The following BTBD7 variants were observed in gnomAD, a reference collection of about 807,000 sequenced individuals.
The protein encoded by BTBD7 is BTB domain containing 7.
In BTBD7, 38 loss-of-function variants were observed where a neutral mutation model predicts 99.9. The observed-to-expected ratio is 0.38, with a 90% CI of 0.29 to 0.50. The LOEUF (loss-of-function observed/expected upper bound fraction) is 0.50. Ranked by LOEUF, BTBD7 falls within the 20% of genes least tolerant of loss-of-function variation. BTBD7 has a pLI of 0.93. For synonymous variants in BTBD7, 520 were observed against 511.4 expected, an observed-to-expected ratio of 1.02 and a Z score of -0.23; for missense variants, 1,170 against 1,394.6, an observed-to-expected ratio of 0.84 and a Z score of 2.57.
chr14:93,242,990 G>A lies in BTBD7; in HGVS notation c.2682C>T (p.Asp894=), dbSNP rs1419383040. 2 of 1,613,932 alleles carry A rather than the reference G, an allele frequency of 1.2e-6. No homozygotes were observed. The highest frequency in any genetic ancestry group is 1.3e-5 in the African/African-American group (1 of 74,860). ...CAGAAACTGACTGGCTTAATTCTGT[G>A]TCTACAGCAAGCTCTGGAAGCCTCC... ...KDRRLPELAV[D]TELSQSVSEA... Residue 894 remains aspartate (D), a synonymous_variant, in exon 11 of 11, where the codon GAC becomes GAT. Transcript: ENST00000334746.
At chr14:93,318,795 A>G (rs2053237379) in intron 1 of BTBD7, among the ~76,000 whole-genome samples, 1 of 152,222 alleles carries the variant, frequency 6.6e-6, no homozygotes, top group Admixed American at 6.5e-5. Flanking sequence ...ACTCTGTAAG[A>G]GCAATGAATT....
intron 3 of BTBD7, chr14:93,288,795 T>C: frequency 6.5e-7 from 1 of 1,545,452 alleles, no homozygotes; most frequent in Non-Finnish European, 8.7e-7. Context: ...CATCAGTATC[T>C]GTAAGTGTAT....
Position 93,240,587 on chromosome 14 carries a change from T to C in BTBD7, c.*1686A>G, listed in dbSNP as rs1340799732. ...ATAGAAAAGAGGATCCCAAATATCC[T>C]GCAGAGGAAGGAATGCTTAGAAAGC... On this transcript the variant is annotated 3_prime_UTR_variant, in exon 11 of 11. Coordinates refer to ENST00000334746, the MANE Select transcript of BTBD7 (RefSeq NM_001002860.4). The C allele has an allele frequency of 6.6e-6, 1 of 152,664 alleles. No individual in the cohort carries two copies. The highest frequency in any genetic ancestry group is 1.5e-5 in the Non-Finnish European group (1 of 68,048). 9.5% of individuals were successfully genotyped at this position (152,664 alleles called of 1,614,324 possible). A position where few individuals can be genotyped will look rare whatever the true frequency, so the allele number is the denominator to read the frequency against.
intron 1 of BTBD7, among the ~76,000 whole-genome samples, chr14:93,308,889 A>G (rs67502036): frequency 0.12 from 18,062 of 152,216 alleles, 1,347 homozygotes; most frequent in African/African-American, 0.21. Flanking sequence ...GGAAAATGAG[A>G]AAGTTCTGGA....
intron 3 of BTBD7, among the ~76,000 whole-genome samples, chr14:93,276,892 A>ATT (rs549579457): frequency 4.0e-4 from 32 of 80,370 alleles, no homozygotes; most frequent in Admixed American, 5.5e-4. Context: ...ACACAGATTA[A>ATT]TTTTTTTTTT....
rs912549670 is a variant in BTBD7 at position 93,284,590 on chromosome 14, T to A, written c.1162+9268A>T. ...CAGGTTATTCAAAGATGACCAAGAT[T>A]TTGATACACAACTTTGGGAGCATAC... is the stretch of plus-strand genomic sequence containing the variant. On this transcript the variant is annotated intron_variant, in intron 3 of 10. Coordinates refer to ENST00000334746, the MANE Select transcript of BTBD7 (RefSeq NM_001002860.4). 6.6e-5 allele frequency among the ~76,000 whole-genome samples: 10 copies of A among 152,262 alleles called. No individual in the cohort carries two copies. The South Asian group carries it at 2.1e-3, about 32-fold the overall frequency.
chr14:93,263,465 A>G (rs1370657675), intron 4 of BTBD7, among the ~76,000 whole-genome samples: 1 of 152,228 alleles, frequency 6.6e-6, no homozygotes, highest in African/African-American at 2.4e-5. Context: ...AGAAACCACT[A>G]TAGAGAAGCT....
At chr14:93,276,888 ATTAATTT>A (rs2052661573) in intron 3 of BTBD7, among the ~76,000 whole-genome samples, 2 of 138,868 alleles carry the variant, frequency 1.4e-5, no homozygotes, top group Admixed American at 1.6e-4. Flanking sequence ...ACACACACAG[ATTAATTT>A]TTTTTTTTTT....
At chr14:93,281,917 GTTTA>G (rs932156833) in intron 3 of BTBD7, among the ~76,000 whole-genome samples, 36 of 152,176 alleles carry the variant, frequency 2.4e-4, no homozygotes, top group South Asian at 2.1e-4. Flanking sequence ...ATAGGAGATG[GTTTA>G]TTTATGAATA....
chr14:93,244,408 T>C (rs1374482726), intron 10 of BTBD7: 1 of 174,364 alleles, frequency 5.7e-6, no homozygotes, highest in Non-Finnish European at 1.2e-5. Context: ...CCCAGCATTT[T>C]GGGAGGCTGA....
intron 6 of BTBD7, among the ~76,000 whole-genome samples, chr14:93,254,322 T>C (rs78151796): frequency 6.6e-6 from 1 of 152,340 alleles, no homozygotes; most frequent in East Asian, 1.9e-4. Flanking sequence ...TAGAGGAATA[T>C]TTTTAAAAAC....
At chr14:93,243,530 A>T (rs1370054502) in intron 10 of BTBD7, among the ~76,000 whole-genome samples, 2 of 152,184 alleles carry the variant, frequency 1.3e-5, no homozygotes, top group Non-Finnish European at 2.9e-5. Context: ...AAAGCTATAA[A>T]GGCAAAAAAA....
chr14:93,285,582 G>C (rs1595310510), intron 3 of BTBD7, among the ~76,000 whole-genome samples: 1 of 152,226 alleles, frequency 6.6e-6, no homozygotes, highest in East Asian at 1.9e-4. Flanking sequence ...TGACAAGGAT[G>C]GTTAAAGTTC....
chr14:93,261,542 A>T, intron 5 of BTBD7, 60 bp downstream of exon 5: 1 of 1,290,112 alleles, frequency 7.8e-7, no homozygotes, highest in Non-Finnish European at 1.1e-6. Context: ...ATGCATTTCT[A>T]TATAAGAACC....
chr14:93,268,543 A>G (rs2052566607), intron 3 of BTBD7, among the ~76,000 whole-genome samples: 1 of 152,180 alleles, frequency 6.6e-6, no homozygotes, highest in African/African-American at 2.4e-5. Flanking sequence ...TTACTTTAGA[A>G]TATTTAATTT....
Position 93,312,040 on chromosome 14 carries a change from AACTTT to A in BTBD7, c.-106-15888_-106-15884del, listed in dbSNP as rs2053144849. On this transcript the variant is annotated intron_variant, in intron 1 of 10. Transcript: ENST00000334746. The stretch of plus-strand genomic sequence containing the variant: ...TCTAGTCCCTGCCTGCCCCATATGT[AACTTT>A]ACTTATACTTTATACAACATTTTAC... Among the ~76,000 whole-genome samples, 3 of 151,834 alleles carry A rather than the reference AACTTT, an allele frequency of 2.0e-5. No homozygotes were observed. The South Asian group carries it at 6.2e-4, about 31-fold the overall frequency.
chr14:93,317,442 T>C (rs1376960944), intron 1 of BTBD7, among the ~76,000 whole-genome samples: 4 of 151,984 alleles, frequency 2.6e-5, no homozygotes, highest in African/African-American at 4.8e-5. Flanking sequence ...AGTGCAATTA[T>C]TGTGCACTAC....
chr14:93,265,412 G>C (rs2052530644), intron 3 of BTBD7, among the ~76,000 whole-genome samples: 1 of 152,220 alleles, frequency 6.6e-6, no homozygotes, highest in African/African-American at 2.4e-5. Context: ...AGCACCACAA[G>C]ATAGGGACGG....
intron 10 of BTBD7, chr14:93,243,872 C>T (rs1566832373): frequency 6.4e-6 from 1 of 156,356 alleles, no homozygotes; most frequent in Non-Finnish European, 1.4e-5. Flanking sequence ...AACTGAGGGC[C>T]TGGCCCAACA....
Sources: allele counts gnomAD v4.1 joint callset (sites outside exome capture counted in the v4.1 genomes callset), GRCh38; gene constraint gnomAD v4.1.1; transcripts MANE v1.5; gene names NCBI Gene and HGNC (gene_info 2026-07-23, HGNC 2026-07-21).